The following KCNH5 variants were observed in gnomAD, a reference collection of about 807,000 sequenced individuals.
The protein encoded by KCNH5 is potassium voltage-gated channel subfamily H member 5.
A neutral mutation model predicts 96.1 loss-of-function variants in KCNH5; 46 were observed. The observed-to-expected ratio is 0.48, with a 90% CI of 0.38 to 0.61. The LOEUF is 0.61. Ranked by LOEUF, KCNH5 falls within the 20% of genes least tolerant of loss-of-function variation. The pLI is 0.00. For synonymous variants in KCNH5, 439 were observed against 449.8 expected, an observed-to-expected ratio of 0.98 and a Z score of 0.30; for missense variants, 907 against 1,225.8, an observed-to-expected ratio of 0.74 and a Z score of 3.88.
chr14:62,812,980 T>C (rs1886902917), intron 8 of KCNH5, among the ~76,000 whole-genome samples: 1 of 152,178 alleles, frequency 6.6e-6, no homozygotes, highest in South Asian at 2.1e-4. Flanking sequence ...CATTACATTA[T>C]AATTGGATAT....
rs112094174 is a variant in KCNH5, at chr14:62,773,091, T to C, written c.2019+6637A>G. Among the ~76,000 whole-genome samples, 1,164 of 152,354 alleles carry C rather than the reference T, an allele frequency of 7.6e-3. 15 individuals are homozygous for C. Among genetic ancestry groups the C allele is most frequent in the Middle Eastern group, 0.027 (8 of 294 alleles). On this transcript the variant is annotated intron_variant, in intron 10 of 10. Transcript: ENST00000322893. ...AACACAATCAAGTATTGGATTTTACTGACAATCTTCTTCGAAATGCTTTTA... is the reference window on the plus strand; with the variant it reads ...AACACAATCAAGTATTGGATTTTACCGACAATCTTCTTCGAAATGCTTTTA...
intron 10 of KCNH5, 151 bp downstream of exon 10, chr14:62,779,577 A>G: frequency 1.8e-6 from 1 of 564,950 alleles, no homozygotes. Flanking sequence ...AGTAAACAAA[A>G]TATAAATAAA....
intron 4 of KCNH5, among the ~76,000 whole-genome samples, chr14:62,988,390 T>A (rs1016678379): frequency 2.0e-5 from 3 of 151,870 alleles, no homozygotes; most frequent in Non-Finnish European, 4.4e-5. Flanking sequence ...AAAAAAAAAA[T>A]TAAGGAAGAA....
intron 10 of KCNH5, among the ~76,000 whole-genome samples, chr14:62,771,288 A>C (rs1014364780): frequency 1.3e-5 from 2 of 152,198 alleles, no homozygotes; most frequent in African/African-American, 4.8e-5. Context: ...AAGGGGTACC[A>C]GACTAACCTG....
intron 10 of KCNH5, among the ~76,000 whole-genome samples, chr14:62,733,151 G>C (rs977808318): frequency 7.9e-5 from 12 of 152,010 alleles, no homozygotes; most frequent in Admixed American, 5.9e-4. Context: ...TTCCTGCTGG[G>C]TCCCAGTCTG....
At chr14:62,748,781 T>C (rs1885434175) in intron 10 of KCNH5, among the ~76,000 whole-genome samples, 1 of 152,078 alleles carries the variant, frequency 6.6e-6, no homozygotes, top group South Asian at 2.1e-4. Context: ...ATCTGGAAGA[T>C]TAATAAGTGT....
chr14:62,911,349 G>T (rs1034020906), intron 7 of KCNH5, among the ~76,000 whole-genome samples: 2 of 150,574 alleles, frequency 1.3e-5, no homozygotes, highest in Admixed American at 1.3e-4. Context: ...CGCAATCTCG[G>T]CTCACTGCAA....
At chr14:63,005,525 T>C (rs999167331) in intron 3 of KCNH5, among the ~76,000 whole-genome samples, 3 of 152,210 alleles carry the variant, frequency 2.0e-5, no homozygotes, top group Non-Finnish European at 2.9e-5. Flanking sequence ...AAGATAATAG[T>C]AGACTTTGCT....
chr14:62,901,908 C>T (rs1156387609), intron 7 of KCNH5, among the ~76,000 whole-genome samples: 2 of 152,118 alleles, frequency 1.3e-5, no homozygotes, highest in Non-Finnish European at 2.9e-5. Flanking sequence ...TTTTTAGTAA[C>T]AGTAATTCTG....
Position 62,756,200 on chromosome 14 carries a change from TATG to T in KCNH5, c.2019+23525_2019+23527del, listed in dbSNP as rs1395266856. 5.9e-5 allele frequency among the ~76,000 whole-genome samples: 9 copies of T among 152,188 alleles called. No individual in the cohort carries two copies. In the South Asian group the frequency reaches 8.3e-4, roughly 14 times the overall value. On this transcript the variant is annotated intron_variant, in intron 10 of 10. Transcript: ENST00000322893. ...AAGAAATTAAGAAAGTAATCCTATT[TATG>T]ATAACTACAAATAAAATAAAATACC...
At chr14:62,765,198 G>A (rs971831739) in intron 10 of KCNH5, among the ~76,000 whole-genome samples, 1 of 152,170 alleles carries the variant, frequency 6.6e-6, no homozygotes, top group Non-Finnish European at 1.5e-5. Flanking sequence ...GAACAAGTTA[G>A]ATAACCCAGT....
intron 10 of KCNH5, among the ~76,000 whole-genome samples, chr14:62,719,800 C>A (rs1884767222): frequency 1.3e-5 from 2 of 152,178 alleles, no homozygotes; most frequent in Admixed American, 6.5e-5. Flanking sequence ...AGTTCATCCA[C>A]AAGGACTCAA....
intron 6 of KCNH5, among the ~76,000 whole-genome samples, chr14:62,952,564 T>G (rs1464920619): frequency 6.6e-6 from 1 of 152,242 alleles, no homozygotes; most frequent in Non-Finnish European, 1.5e-5. Flanking sequence ...AATGATGTTA[T>G]AGATAATATT....
chr14:62,964,560 T>C (rs1178150192), intron 6 of KCNH5, among the ~76,000 whole-genome samples: 1 of 152,142 alleles, frequency 6.6e-6, no homozygotes, highest in Non-Finnish European at 1.5e-5. Flanking sequence ...CTGACCAAGA[T>C]GACCTTAACT....
chr14:62,768,281 T>G (rs1298266791), intron 10 of KCNH5, among the ~76,000 whole-genome samples: 1 of 152,330 alleles, frequency 6.6e-6, no homozygotes, highest in African/African-American at 2.4e-5. Flanking sequence ...AAAATTTGCA[T>G]GTATCCTAAG....
At chr14:62,967,548 A>C (rs1890327115) in intron 6 of KCNH5, among the ~76,000 whole-genome samples, 1 of 152,160 alleles carries the variant, frequency 6.6e-6, no homozygotes, top group Non-Finnish European at 1.5e-5. Flanking sequence ...CACTTCTTAA[A>C]GATGAAGAAA....
chr14:62,833,059 T>C (rs1887389925), intron 8 of KCNH5, among the ~76,000 whole-genome samples: 1 of 152,062 alleles, frequency 6.6e-6, no homozygotes. Flanking sequence ...TTTTTTCTTA[T>C]TATATAGGTT....
At chr14:62,983,173 G>A (rs1453455542) in intron 5 of KCNH5, among the ~76,000 whole-genome samples, 1 of 152,012 alleles carries the variant, frequency 6.6e-6, no homozygotes, top group Non-Finnish European at 1.5e-5. Flanking sequence ...AAGCCTTTGT[G>A]CCTTCCTAGA....
intron 10 of KCNH5, among the ~76,000 whole-genome samples, chr14:62,726,401 G>A (rs545354696): frequency 2.6e-5 from 4 of 151,894 alleles, no homozygotes; most frequent in Admixed American, 6.6e-5. Flanking sequence ...GCATATACCC[G>A]ATAAAAACTC....
Sources: gnomAD v4.1 joint callset for allele counts (sites outside exome capture counted in the v4.1 genomes callset) on GRCh38, gnomAD v4.1.1 for gene constraint, MANE v1.5 for transcripts, NCBI Gene and HGNC (gene_info 2026-07-23, HGNC 2026-07-21) for gene names.